GABRB1: variants seen among roughly 807,000 people sequenced by gnomAD.
GABRB1 encodes gamma-aminobutyric acid type A receptor subunit beta1.
In GABRB1, 17 loss-of-function variants were observed where a neutral mutation model predicts 51.6. That is an observed-to-expected ratio of 0.33 (90% CI 0.23 to 0.49). GABRB1 has a LOEUF of 0.49. GABRB1 is among the 20% of genes least tolerant of loss of function. The pLI is 0.99. For synonymous variants in GABRB1, 247 were observed against 218.9 expected (o/e 1.13, Z -1.14); for missense variants, 410 against 600.6 (o/e 0.68, Z 3.32).
chr4:47,012,570 A>G (rs1178150543), intron 1 of GABRB1, among the ~76,000 whole-genome samples: 1 of 152,222 alleles, frequency 6.6e-6, no homozygotes, highest in African/African-American at 2.4e-5. Flanking sequence ...AAACATTGTC[A>G]TGGTAATCAA....
intron 1 of GABRB1, among the ~76,000 whole-genome samples, chr4:47,013,876 T>C (rs1164317015): frequency 6.6e-6 from 1 of 152,186 alleles, no homozygotes; most frequent in Non-Finnish European, 1.5e-5. Flanking sequence ...CAAAATAGAA[T>C]TTTGCATTAT....
chr4:47,344,659 G>A (rs1429651870), intron 5 of GABRB1, among the ~76,000 whole-genome samples: 1 of 151,950 alleles, frequency 6.6e-6, no homozygotes, highest in Non-Finnish European at 1.5e-5. Context: ...AGTGTCAGTG[G>A]GGTGTCTCCA....
intron 1 of GABRB1, among the ~76,000 whole-genome samples, chr4:47,010,643 A>G (rs149112522): frequency 0.016 from 2,397 of 152,272 alleles, 20 homozygotes; most frequent in Non-Finnish European, 0.026. Flanking sequence ...CCATCACCAT[A>G]TATTCTTATT....
chr4:47,227,518 A>G (rs977995708), intron 4 of GABRB1, among the ~76,000 whole-genome samples: 5 of 152,152 alleles, frequency 3.3e-5, no homozygotes, highest in African/African-American at 1.2e-4. Flanking sequence ...AGAGAATCTG[A>G]ACTGCGGTGA....
intron 5 of GABRB1, among the ~76,000 whole-genome samples, chr4:47,357,231 G>T (rs1380378184): frequency 6.6e-6 from 1 of 152,176 alleles, no homozygotes; most frequent in East Asian, 1.9e-4. Context: ...ATACAAAAAA[G>T]TTAGGGCGAT....
At chr4:47,355,587 ACAAGG>A (rs1726537340) in intron 5 of GABRB1, among the ~76,000 whole-genome samples, 1 of 152,198 alleles carries the variant, frequency 6.6e-6, no homozygotes. Context: ...AGGTCATTCA[ACAAGG>A]CAATACATTG....
intron 5 of GABRB1, among the ~76,000 whole-genome samples, chr4:47,369,800 A>G (rs1727123000): frequency 6.6e-6 from 1 of 152,226 alleles, no homozygotes; most frequent in Non-Finnish European, 1.5e-5. Context: ...TGAAAATATA[A>G]TGAACACACA....
intron 3 of GABRB1, among the ~76,000 whole-genome samples, chr4:47,049,130 C>G (rs2109503708): frequency 6.6e-6 from 1 of 151,794 alleles, no homozygotes; most frequent in Non-Finnish European, 1.5e-5. Context: ...TTTCGTTGCT[C>G]CCTCCTTTGG....
At chr4:47,205,087 G>A (rs919153207) in intron 4 of GABRB1, among the ~76,000 whole-genome samples, 2 of 152,086 alleles carry the variant, frequency 1.3e-5, no homozygotes, top group Admixed American at 6.6e-5. Flanking sequence ...GTCACACAGA[G>A]GCAGTTTTAC....
chr4:47,173,078 T>C (rs750944428), intron 4 of GABRB1, among the ~76,000 whole-genome samples: 32 of 152,278 alleles, frequency 2.1e-4, no homozygotes, highest in Non-Finnish European at 4.1e-4. Flanking sequence ...ATAGTAACAA[T>C]AACAAAAATT....
intron 1 of GABRB1, among the ~76,000 whole-genome samples, chr4:47,007,121 C>T (rs1724426334): frequency 6.9e-6 from 1 of 144,512 alleles, no homozygotes; most frequent in Non-Finnish European, 1.5e-5. Flanking sequence ...GTCTGAGTGA[C>T]AGAGCGAGAC....
Position 47,103,247 on chromosome 4 carries a change from T to G in GABRB1, c.241-58002T>G, listed in dbSNP as rs150828412. Among the ~76,000 whole-genome samples the G allele has an allele frequency of 8.7e-4, 132 of 152,188 alleles. No homozygotes were observed. The East Asian group carries it at 0.022, about 26-fold the overall frequency. On this transcript the variant is annotated intron_variant, in intron 3 of 8. Transcript: ENST00000295454. ...GGAAAAAGTCTTTCTGTTCTTTATA[T>G]TCTGAAGTCCTTGTGATTAGCTATC... is the stretch of plus-strand genomic sequence containing the variant.
At chr4:47,425,624 C>A in intron 8 of GABRB1, 50 bp from the exon 9 acceptor site, 1 of 1,408,202 alleles carries the variant, frequency 7.1e-7, no homozygotes, top group South Asian at 1.3e-5. Flanking sequence ...TTAATGAAAA[C>A]AGGCAAAGGT....
intron 3 of GABRB1, among the ~76,000 whole-genome samples, chr4:47,092,362 G>A (rs1728345528): frequency 6.7e-6 from 1 of 150,186 alleles, no homozygotes; most frequent in South Asian, 2.1e-4. Flanking sequence ...TAGTAGAGGT[G>A]GGGTTTCACC....
At chr4:47,145,752 G>A (rs1171303571) in intron 3 of GABRB1, among the ~76,000 whole-genome samples, 1 of 151,950 alleles carries the variant, frequency 6.6e-6, no homozygotes, top group Non-Finnish European at 1.5e-5. Flanking sequence ...TTTTTCAGTG[G>A]TAACATCAGA....
chr4:47,283,351 G>A (rs1265083612), intron 4 of GABRB1, among the ~76,000 whole-genome samples: 5 of 123,178 alleles, frequency 4.1e-5, no homozygotes, highest in Non-Finnish European at 8.1e-5. Flanking sequence ...CATACCTGGT[G>A]GCCCCTTTTT....
chr4:47,271,769 G>A (rs1197585448), intron 4 of GABRB1, among the ~76,000 whole-genome samples: 1 of 152,126 alleles, frequency 6.6e-6, no homozygotes, highest in Non-Finnish European at 1.5e-5. Context: ...AAGGGGGAAG[G>A]AACATATAGA....
chr4:47,077,833 T>C (rs1727622635), intron 3 of GABRB1, among the ~76,000 whole-genome samples: 1 of 141,566 alleles, frequency 7.1e-6, no homozygotes, highest in Non-Finnish European at 1.5e-5. Context: ...ATAATATATA[T>C]TATATATTTT....
intron 4 of GABRB1, among the ~76,000 whole-genome samples, chr4:47,313,612 G>A (rs1429765634): frequency 2.0e-5 from 3 of 152,022 alleles, no homozygotes; most frequent in Non-Finnish European, 4.4e-5. Flanking sequence ...GATGATCTGG[G>A]GAATTCTTGC....
Sources: allele counts gnomAD v4.1 joint callset (sites outside exome capture counted in the v4.1 genomes callset), GRCh38; gene constraint gnomAD v4.1.1; transcripts MANE v1.5; gene names NCBI Gene and HGNC (gene_info 2026-07-23, HGNC 2026-07-21).